THRAP3: variants seen among roughly 807,000 people sequenced by gnomAD.
THRAP3 encodes thyroid hormone receptor-associated protein 3.
In THRAP3, 16 loss-of-function variants were observed where a neutral mutation model predicts 101.0. The observed-to-expected ratio is 0.16, with a 90% confidence interval of 0.11 to 0.24. The LOEUF is 0.24. Among genes scored for constraint, THRAP3 ranks in the 10% least tolerant of loss-of-function variants. THRAP3 has a pLI of 1.00. For synonymous variants in THRAP3, 407 were observed against 422.6 expected, an observed-to-expected ratio of 0.96 and a Z score of 0.45; for missense variants, 989 against 1,202.7, an observed-to-expected ratio of 0.82 and a Z score of 2.63.
At chr1:36,275,647 A>G (rs1645650506) in intron 2 of THRAP3, among the ~76,000 whole-genome samples, 1 of 144,568 alleles carries the variant, frequency 6.9e-6, no homozygotes, top group Non-Finnish European at 1.5e-5. Flanking sequence ...TTTCACTCTT[A>G]TTGCCCAGGC....
intron 1 of THRAP3, among the ~76,000 whole-genome samples, chr1:36,244,659 C>T (rs947853640): frequency 6.6e-6 from 1 of 151,416 alleles, no homozygotes; most frequent in Admixed American, 6.6e-5. Flanking sequence ...ATTTCCATTG[C>T]TATTGGATGC....
chr1:36,287,584 C>A (rs772779829), intron 4 of THRAP3: 1 of 984,958 alleles, frequency 1.0e-6, no homozygotes, highest in Non-Finnish European at 1.2e-6. Context: ...GGTCAGCTAT[C>A]AAAAAAAAGT....
intron 1 of THRAP3, among the ~76,000 whole-genome samples, chr1:36,237,367 C>T (rs1645102776): frequency 6.6e-6 from 1 of 150,416 alleles, no homozygotes; most frequent in African/African-American, 2.5e-5. Context: ...ACTTGGAAGG[C>T]TGAGGCAGGA....
chr1:36,217,843 C>CT, the THRAP3 span, among the ~76,000 whole-genome samples: 1 of 152,098 alleles, frequency 6.6e-6, no homozygotes, highest in Non-Finnish European at 1.5e-5. Context: ...TGTTTCTCTC[C>CT]TTCTCCTCCA....
intron 1 of THRAP3, among the ~76,000 whole-genome samples, chr1:36,232,521 C>T (rs989685370): frequency 8.5e-5 from 13 of 152,126 alleles, no homozygotes; most frequent in Non-Finnish European, 1.6e-4. Context: ...TTTAATCTAT[C>T]GTGTTTCATC....
chr1:36,287,051 G>T lies in THRAP3; in HGVS notation c.821G>T (p.Ser274Ile). The change falls in exon 4 of 12, where the codon AGT becomes ATT. Residue 274 changes from serine (S) to isoleucine (I), a missense_variant. By Grantham distance (142) the Ser-to-Ile change is moderately radical. Transcript: ENST00000354618. ...CGTCCTAGCCCCGTGCCAAAACCTAGTCCTCCACTTTCCAGCACATCCCAG... is the reference window on the plus strand; with the variant it reads ...CGTCCTAGCCCCGTGCCAAAACCTATTCCTCCACTTTCCAGCACATCCCAG... Reference protein sequence around the residue: ...SPRPSPVPKPSPPLSSTSQMG... With the variant: ...SPRPSPVPKPIPPLSSTSQMG... The T allele has an allele frequency of 6.2e-7, 1 of 1,613,666 alleles. No homozygotes were observed. The highest frequency in any genetic ancestry group is 8.5e-7 in the Non-Finnish European group (1 of 1,179,674).
In THRAP3 at chr1:36,256,696, A is replaced by G. The variant is rs535598006; in HGVS notation, c.-134-2686A>G. Among the ~76,000 whole-genome samples the G allele has an allele frequency of 7.9e-5, 12 of 152,322 alleles. No homozygotes were observed. The East Asian group carries it at 1.9e-3, about 25-fold the overall frequency. ...TCCAGTGGCTGCCCTCATTACCCAG[A>G]GGAAAACCAAAGTCCTTACTTTGAT... On this transcript the variant is annotated intron_variant, in intron 1 of 11. Transcript: ENST00000354618.
intron 3 of THRAP3, among the ~76,000 whole-genome samples, chr1:36,285,029 G>T (rs1455174563): frequency 6.6e-6 from 1 of 151,952 alleles, no homozygotes; most frequent in African/African-American, 2.4e-5. Flanking sequence ...TCTGAGTACA[G>T]TGGGCAATAA....
At chr1:36,254,848 A>G (rs1570272438) in intron 1 of THRAP3, among the ~76,000 whole-genome samples, 1 of 152,232 alleles carries the variant, frequency 6.6e-6, no homozygotes. Flanking sequence ...AAACCAGACA[A>G]TGGGCTAGAT....
At chr1:36,299,900 G>T (rs888146570) in intron 9 of THRAP3, among the ~76,000 whole-genome samples, 1 of 152,190 alleles carries the variant, frequency 6.6e-6, no homozygotes, top group Non-Finnish European at 1.5e-5. Context: ...CAGTAACTTA[G>T]ATTTCCCCTT....
chr1:36,263,179 A>C (rs1645469774), intron 2 of THRAP3, among the ~76,000 whole-genome samples: 1 of 137,784 alleles, frequency 7.3e-6, no homozygotes, highest in South Asian at 2.3e-4. Flanking sequence ...GGCTCACTGC[A>C]ACCTTGACCT....
chr1:36,258,286 G>A (rs979241969), intron 1 of THRAP3, among the ~76,000 whole-genome samples: 9 of 152,240 alleles, frequency 5.9e-5, no homozygotes, highest in African/African-American at 1.9e-4. Context: ...AGGGGAAGAA[G>A]TTTTGGCTGA....
At chr1:36,221,972 G>A (rs1438133023), upstream of THRAP3, among the ~76,000 whole-genome samples, 3 of 152,124 alleles carry the variant, frequency 2.0e-5, no homozygotes, top group Non-Finnish European at 4.4e-5. Context: ...AGCATGCCCA[G>A]CTAATTTTTT....
At chr1:36,211,049 A>C in the THRAP3 span, among the ~76,000 whole-genome samples, 2 of 151,176 alleles carry the variant, frequency 1.3e-5, no homozygotes, top group Non-Finnish European at 2.9e-5. Flanking sequence ...CTCTCTCCAC[A>C]TAAAAAAAAA....
At chr1:36,224,888 C>T (rs558187862) in intron 1 of THRAP3, 1 of 152,352 alleles carries the variant, frequency 6.6e-6, no homozygotes, top group Non-Finnish European at 1.5e-5. Context: ...CCCACCCAGT[C>T]CCCATTGGCC....
At chr1:36,241,024 G>A (rs1318594491) in intron 1 of THRAP3, among the ~76,000 whole-genome samples, 1 of 151,916 alleles carries the variant, frequency 6.6e-6, no homozygotes, top group African/African-American at 2.4e-5. Context: ...GGCTAACACG[G>A]TGAAACCCCG....
At chr1:36,263,369 GGATTTC>G (rs1645472919) in intron 2 of THRAP3, among the ~76,000 whole-genome samples, 1 of 152,116 alleles carries the variant, frequency 6.6e-6, no homozygotes, top group Non-Finnish European at 1.5e-5. Flanking sequence ...CAAAGTGCTA[GGATTTC>G]AGGGGTGAGC....
At chr1:36,236,493 C>G (rs1323024835) in intron 1 of THRAP3, among the ~76,000 whole-genome samples, 2 of 151,848 alleles carry the variant, frequency 1.3e-5, no homozygotes, top group Admixed American at 6.6e-5. Context: ...TCCTTCTCCC[C>G]ACTCCAGTCT....
At chr1:36,299,535 C>T (rs781025315) in intron 9 of THRAP3, among the ~76,000 whole-genome samples, 1 of 151,430 alleles carries the variant, frequency 6.6e-6, no homozygotes, top group South Asian at 2.1e-4. Flanking sequence ...GAGTCTCGCT[C>T]TGTCACCCAG....
Sources: gnomAD v4.1 joint callset for allele counts (sites outside exome capture counted in the v4.1 genomes callset) on GRCh38, gnomAD v4.1.1 for gene constraint, MANE v1.5 for transcripts, NCBI Gene and HGNC (gene_info 2026-07-23, HGNC 2026-07-21) for gene names.